The following SOX13 variants were observed in gnomAD, a reference collection of about 807,000 sequenced individuals.
SOX13 encodes the protein transcription factor SOX-13.
Under a neutral mutation model 71.8 loss-of-function variants are expected in SOX13, and 28 were observed. The observed-to-expected ratio is 0.39, with a 90% confidence interval of 0.29 to 0.53. The LOEUF (loss-of-function observed/expected upper bound fraction) is 0.53, where lower values mean the gene tolerates loss of function less well. SOX13 is among the 20% of genes least tolerant of loss of function. SOX13 has a pLI of 0.70. For synonymous variants in SOX13, 309 were observed against 317.8 expected (o/e 0.97, Z 0.29); for missense variants, 627 against 810.3 (o/e 0.77, Z 2.75).
At chr1:204,079,996 G>A (rs546392897) in intron 1 of SOX13, among the ~76,000 whole-genome samples, 10 of 151,994 alleles carry the variant, frequency 6.6e-5, no homozygotes, top group East Asian at 1.9e-4. Flanking sequence ...GCTAGGAGAC[G>A]TCCCGAGATC....
intron 9 of SOX13, 54 bp downstream of exon 9, chr1:204,122,453 C>A (rs752630608): frequency 2.8e-6 from 4 of 1,428,942 alleles, no homozygotes; most frequent in Admixed American, 4.4e-5. Context: ...GGAGAGCCGG[C>A]GGCATGATGC....
chr1:204,108,373 C>T (rs112804316), intron 1 of SOX13, among the ~76,000 whole-genome samples: 1 of 152,314 alleles, frequency 6.6e-6, no homozygotes, highest in Non-Finnish European at 1.5e-5. Context: ...CCGCATGGGG[C>T]AAGTGGCTGC....
At chr1:204,120,563 G>A (rs1204135603) in intron 7 of SOX13, among the ~76,000 whole-genome samples, 2 of 152,164 alleles carry the variant, frequency 1.3e-5, no homozygotes, top group African/African-American at 4.8e-5. Context: ...ATGGGCCTCG[G>A]GGCCAACCTG....
chr1:204,091,086 C>T (rs1409530047), intron 1 of SOX13, among the ~76,000 whole-genome samples: 1 of 152,194 alleles, frequency 6.6e-6, no homozygotes, highest in Non-Finnish European at 1.5e-5. Context: ...TCTCATTGTC[C>T]TGCAAAAAAT....
At chr1:204,094,834 A>G (rs1656218508) in intron 1 of SOX13, among the ~76,000 whole-genome samples, 1 of 152,170 alleles carries the variant, frequency 6.6e-6, no homozygotes, top group Non-Finnish European at 1.5e-5. Context: ...AATGAACCTT[A>G]GGGCTAGTGG....
chr1:204,123,536 C>A lies in SOX13; in HGVS notation c.1232-125C>A. On this transcript the variant is annotated intron_variant, in intron 11 of 13. Coordinates refer to ENST00000367204, the MANE Select transcript of SOX13 (RefSeq NM_005686.3). This position sits in a 1 kb window ranked among gnomAD's most constrained non-coding sequence, Gnocchi z 5.0. ...CTGCTCCTGCCTTGCTCCTCCTCGG[C>A]TGGCTGCTGTGGGAGCCTCCTCAGT... The A allele has an allele frequency of 9.7e-7, 1 of 1,028,528 alleles. No homozygotes were observed. The highest frequency in any genetic ancestry group is 1.4e-6 in the Non-Finnish European group (1 of 717,842). 63.7% of individuals were successfully genotyped at this position (1,028,528 alleles called of 1,614,324 possible). A position where few individuals can be genotyped will look rare whatever the true frequency, so the allele number is the denominator to read the frequency against.
intron 1 of SOX13, among the ~76,000 whole-genome samples, chr1:204,078,673 T>C (rs1435136949): frequency 1.3e-5 from 2 of 152,132 alleles, no homozygotes; most frequent in African/African-American, 4.8e-5. Flanking sequence ...ACTAGACCCA[T>C]GGAGGATTGC....
intron 1 of SOX13, among the ~76,000 whole-genome samples, chr1:204,108,112 A>G (rs1358913684): frequency 1.3e-5 from 2 of 152,206 alleles, no homozygotes; most frequent in Non-Finnish European, 2.9e-5. Flanking sequence ...CATAAATATA[A>G]TGGGAACTAC....
rs1331541483 is a variant in SOX13, at chr1:204,098,873, G to A, written c.-1-14042G>A. 2.6e-5 allele frequency among the ~76,000 whole-genome samples: 4 copies of A among 152,242 alleles called. No individual in the cohort carries two copies. In the East Asian group the frequency reaches 7.7e-4, roughly 29 times the overall value. Reference sequence around the variant, plus strand: ...TTGTCTCTGCAAGTGGCGCAGGCAGGCTCCATTGAGCTCTTCACCCATGTT... The same window carrying A: ...TTGTCTCTGCAAGTGGCGCAGGCAGACTCCATTGAGCTCTTCACCCATGTT... On this transcript the variant is annotated intron_variant, in intron 1 of 13. Transcript: ENST00000367204.
chr1:204,102,202 G>A (rs1272820828), intron 1 of SOX13, among the ~76,000 whole-genome samples: 1 of 152,224 alleles, frequency 6.6e-6, no homozygotes, highest in Admixed American at 6.5e-5. Context: ...AGGAGTGTTT[G>A]GCAAAGGTGA....
intron 1 of SOX13, among the ~76,000 whole-genome samples, chr1:204,093,521 GGT>G (rs1656187731): frequency 1.3e-5 from 2 of 152,242 alleles, no homozygotes; most frequent in African/African-American, 4.8e-5. Flanking sequence ...CGGTGGCATG[GGT>G]GTGGGGGGCC....
intron 1 of SOX13, among the ~76,000 whole-genome samples, chr1:204,080,512 G>A (rs1655880351): frequency 6.6e-6 from 1 of 152,212 alleles, no homozygotes; most frequent in Non-Finnish European, 1.5e-5. Context: ...CCCAGAGGAG[G>A]CCCGACTGTT....
At chr1:204,103,018 G>A (rs1656391775) in intron 1 of SOX13, among the ~76,000 whole-genome samples, 1 of 152,106 alleles carries the variant, frequency 6.6e-6, no homozygotes, top group Admixed American at 6.5e-5. Flanking sequence ...TCTCCCCCTT[G>A]CCCTGGGGGC....
chr1:204,091,961 C>T (rs956009569), intron 1 of SOX13, among the ~76,000 whole-genome samples: 1 of 152,114 alleles, frequency 6.6e-6, no homozygotes, highest in African/African-American at 2.4e-5. Context: ...TTCTTTCTTT[C>T]GTTCTCTGTC....
chr1:204,111,500 C>G lies in SOX13; in HGVS notation c.-1-1415C>G, dbSNP rs191156830. On this transcript the variant is annotated intron_variant, in intron 1 of 13. Transcript: ENST00000367204. Reference sequence around the variant, plus strand: ...CACTCCCTGAGATGCTGCGATTGCTCAGCTCCTCAGATGTCCCAGGCAGTG... The same window carrying G: ...CACTCCCTGAGATGCTGCGATTGCTGAGCTCCTCAGATGTCCCAGGCAGTG... Among the ~76,000 whole-genome samples, 10 of 152,316 alleles carry G rather than the reference C, an allele frequency of 6.6e-5. 1 individual carries two copies. The South Asian group carries it at 1.7e-3, about 25-fold the overall frequency.
rs573764072 is a variant in SOX13 at position 204,107,736 on chromosome 1, G to A, written c.-1-5179G>A. ...CCCAGAGTTGCTCTCCATTGGGGGC[G>A]GGGTGGCATTGTGCCTGGGCTGTTG... On this transcript the variant is annotated intron_variant, in intron 1 of 13. Coordinates refer to ENST00000367204, the MANE Select transcript of SOX13 (RefSeq NM_005686.3). 1.4e-4 allele frequency among the ~76,000 whole-genome samples: 22 copies of A among 152,326 alleles called. No individual in the cohort carries two copies. In the East Asian group the frequency reaches 1.9e-3, roughly 13 times the overall value.
chr1:204,115,421 G>A (rs1288788316), intron 4 of SOX13, among the ~76,000 whole-genome samples: 1 of 147,234 alleles, frequency 6.8e-6, no homozygotes, highest in East Asian at 2.0e-4. Flanking sequence ...CCAGGGTATG[G>A]TAGGGGCCTG....
Position 204,127,484 on chromosome 1 carries a change from A to G in SOX13, c.*1350A>G, listed in dbSNP as rs1656944751. 6.6e-6 allele frequency: 1 copy of G among 152,592 alleles called. No individual in the cohort carries two copies. The highest frequency in any genetic ancestry group is 6.5e-5 in the Admixed American group (1 of 15,278). 9.5% of individuals were successfully genotyped at this position (152,592 alleles called of 1,614,324 possible). A position where few individuals can be genotyped will look rare whatever the true frequency, so the allele number is the denominator to read the frequency against. On this transcript the variant is annotated 3_prime_UTR_variant, in exon 14 of 14. Transcript: ENST00000367204. ...TTGTCACCTAACTCTGAAGATCTAA[A>G]TAGCCCTTGGATCAGTATGGGAACC...
chr1:204,083,972 A>G (rs551202034), intron 1 of SOX13, among the ~76,000 whole-genome samples: 1 of 152,280 alleles, frequency 6.6e-6, no homozygotes, highest in Non-Finnish European at 1.5e-5. Flanking sequence ...CAGAGGGAAG[A>G]GGAGGTCATA....
Sources: allele counts gnomAD v4.1 joint callset (sites outside exome capture counted in the v4.1 genomes callset), GRCh38; gene constraint gnomAD v4.1.1; non-coding constraint Gnocchi (gnomAD v3.1); transcripts MANE v1.5; gene names NCBI Gene and HGNC (gene_info 2026-07-23, HGNC 2026-07-21).